The following LDHAL6B variants were observed in gnomAD, a reference collection of about 807,000 sequenced individuals.
LDHAL6B encodes lactate dehydrogenase A like 6B, also known as L-lactate dehydrogenase A-like 6B.
For synonymous variants in LDHAL6B, 205 were observed against 170.6 expected (o/e 1.20, Z -1.57); for missense variants, 523 against 473.9 (o/e 1.10, Z -0.96).
Position 59,206,859 on chromosome 15 carries a change from T to A in LDHAL6B, c.-82T>A, listed in dbSNP as rs1347612591. 1.4e-6 allele frequency: 2 copies of A among 1,429,148 alleles called. No individual in the cohort carries two copies. The highest frequency in any genetic ancestry group is 2.2e-5 in the Admixed American group (1 of 45,306). The allele number at this position is 1,429,148 out of a possible 1,614,324, so 88.5% of individuals were successfully genotyped here. On this transcript the variant is annotated 5_prime_UTR_variant, in exon 1 of 1. Transcript: ENST00000307144. ...ACCTGCCGTAGAGTGCTGAAGGTCC[T>A]GCCAACGGCTCTCTTGGCGTCTCAA...
Position 59,206,886 on chromosome 15 carries a change from G to T in LDHAL6B, c.-55G>T. ...CCAACGGCTCTCTTGGCGTCTCAACGTTCGGATCAGCAGCTTTTTTCCATT... is the reference window on the plus strand; with the variant it reads ...CCAACGGCTCTCTTGGCGTCTCAACTTTCGGATCAGCAGCTTTTTTCCATT... On this transcript the variant is annotated 5_prime_UTR_variant, in exon 1 of 1. Coordinates refer to ENST00000307144, the MANE Select transcript of LDHAL6B (RefSeq NM_033195.3). The T allele has an allele frequency of 1.3e-6, 2 of 1,548,950 alleles. No homozygotes were observed. The highest frequency in any genetic ancestry group is 1.7e-6 in the Non-Finnish European group (2 of 1,145,212).
In LDHAL6B at chr15:59,207,830, C is replaced by A; in HGVS notation, c.890C>A (p.Thr297Asn). The A allele has an allele frequency of 1.2e-6, 2 of 1,614,198 alleles. No homozygotes were observed. ...GAGATTATTAAAATGAAAGGTTATACTTCTTGGGCCATTGGCCTATCTGTG... is the reference window on the plus strand; with the variant it reads ...GAGATTATTAAAATGAAAGGTTATAATTCTTGGGCCATTGGCCTATCTGTG... ...AYEIIKMKGY[T>N]SWAIGLSVAD... The change falls in exon 1 of 1, where the codon ACT becomes AAT. Residue 297 changes from threonine to asparagine, a missense_variant. Transcript: ENST00000307144.
rs1215926304 is a variant in LDHAL6B at position 59,207,750 on chromosome 15, T to G, written c.810T>G (p.Asp270Glu). The change falls in exon 1 of 1, where the codon GAT becomes GAG. Residue 270 changes from aspartate to glutamate, a missense_variant. By Grantham distance (45) the Asp-to-Glu change is conservative (BLOSUM62 2). Coordinates refer to ENST00000307144, the MANE Select transcript of LDHAL6B (RefSeq NM_033195.3). ...LKDLNSDIGT[D>E]KDPEQWKNVH... ...ATCTGAACTCTGATATAGGAACTGATAAAGATCCTGAGCAATGGAAAAATG... is the reference window on the plus strand; with the variant it reads ...ATCTGAACTCTGATATAGGAACTGAGAAAGATCCTGAGCAATGGAAAAATG... 1 of 1,614,028 alleles carries G rather than the reference T, an allele frequency of 6.2e-7. No individual in the cohort carries two copies. The highest frequency in any genetic ancestry group is 1.3e-5 in the African/African-American group (1 of 74,916).
At position 59,207,046 on chromosome 15, in the gene LDHAL6B, A is replaced by C. The variant is rs754204070; in HGVS notation, c.106A>C (p.Ile36Leu). ...MALCPRQATR[I>L]PLNGTWLFTP... is the part of the protein sequence containing the mutation. ...CCTGTGTCCGCGTCAAGCAACGCGC[A>C]TCCCGCTCAACGGCACCTGGCTCTT... Residue 36 changes from isoleucine to leucine, a missense_variant, in exon 1 of 1, where the codon ATC becomes CTC. Transcript: ENST00000307144. 12 of 1,614,234 alleles carry C rather than the reference A, an allele frequency of 7.4e-6. No individual in the cohort carries two copies. The East Asian group carries it at 2.5e-4, about 33-fold the overall frequency.
Position 59,207,170 on chromosome 15 carries a change from C to A in LDHAL6B, c.230C>A (p.Thr77Asn), listed in dbSNP as rs200393440. 1.5e-5 allele frequency: 24 copies of A among 1,614,114 alleles called. No homozygotes were observed. In the East Asian group the frequency reaches 3.8e-4, roughly 25 times the overall value. The part of the protein sequence containing the change: ...VHHSKVSIIG[T>N]GSVGMACAIS... ...CACAGTAAGGTCTCCATCATAGGAACTGGATCGGTGGGCATGGCCTGCGCT... is the reference window on the plus strand; with the variant it reads ...CACAGTAAGGTCTCCATCATAGGAAATGGATCGGTGGGCATGGCCTGCGCT... The change falls in exon 1 of 1, where the codon ACT (threonine) becomes AAT (asparagine). Residue 77 changes from threonine to asparagine, a missense_variant. Transcript: ENST00000307144.
chr15:59,207,914 T>A lies in LDHAL6B; in HGVS notation c.974T>A (p.Ile325Lys). Residue 325 changes from isoleucine to lysine, a missense_variant, in exon 1 of 1, where the codon ATA (isoleucine) becomes AAA (lysine). Coordinates refer to ENST00000307144, the MANE Select transcript of LDHAL6B (RefSeq NM_033195.3). ...NLRRIHPVSTIIKGLYGIDEE... is the reference protein window; with the variant it reads ...NLRRIHPVSTKIKGLYGIDEE... ...AGGAGAATACATCCAGTTTCCACCA[T>A]AATTAAGGGCCTCTATGGAATAGAT... The A allele has an allele frequency of 6.2e-7, 1 of 1,614,184 alleles. No individual in the cohort carries two copies. Among genetic ancestry groups the A allele is most frequent in the Non-Finnish European group, 8.5e-7 (1 of 1,179,998 alleles).
rs1372336494 is a variant in LDHAL6B, at chr15:59,207,319, G to C, written c.379G>C (p.Val127Leu). 1 of 1,614,094 alleles carries C rather than the reference G, an allele frequency of 6.2e-7. No individual in the cohort carries two copies. The highest frequency in any genetic ancestry group is 8.5e-7 in the Non-Finnish European group (1 of 1,179,970). ...GSPFTKMPNI[V>L]CSKDYFVTAN... ...CCCTTTCACGAAAATGCCAAATATT[G>C]TTTGTAGCAAAGATTACTTTGTCAC... The change falls in exon 1 of 1, where the codon GTT (valine) becomes CTT (leucine). Residue 127 changes from valine (V) to leucine (L), a missense_variant. By Grantham distance (32) the Val-to-Leu change is conservative (BLOSUM62 1). Coordinates refer to ENST00000307144, the MANE Select transcript of LDHAL6B (RefSeq NM_033195.3).
rs143314524 is a variant in LDHAL6B at position 59,207,192 on chromosome 15, C to T, written c.252C>T (p.Cys84=). 49 of 1,614,072 alleles carry T rather than the reference C, an allele frequency of 3.0e-5. No individual in the cohort carries two copies. The highest frequency in any genetic ancestry group is 5.5e-5 in the South Asian group (5 of 91,092). ...GAACTGGATCGGTGGGCATGGCCTGCGCTATCAGCATCTTATTAAAAGGCT... is the reference window on the plus strand; with the variant it reads ...GAACTGGATCGGTGGGCATGGCCTGTGCTATCAGCATCTTATTAAAAGGCT... ...IIGTGSVGMA[C]AISILLKGLS... is the part of the protein sequence containing the mutation. Residue 84 remains cysteine, a synonymous_variant, in exon 1 of 1, where the codon TGC becomes TGT. Coordinates refer to ENST00000307144, the MANE Select transcript of LDHAL6B (RefSeq NM_033195.3).
Position 59,208,561 on chromosome 15 carries a change from A to G in LDHAL6B, c.*475A>G, listed in dbSNP as rs1221094892. ...TTTGTTTTGCTTCCTTTGATAGTTA[A>G]TAAATTCCGTTTGTTGAATCAATAA... On this transcript the variant is annotated 3_prime_UTR_variant, in exon 1 of 1. Transcript: ENST00000307144. 15 of 1,266,036 alleles carry G rather than the reference A, an allele frequency of 1.2e-5. 1 individual carries two copies. The highest frequency in any genetic ancestry group is 2.4e-5 in the South Asian group (2 of 82,350). 78.4% of individuals were successfully genotyped at this position (1,266,036 alleles called of 1,614,324 possible). A position where few individuals can be genotyped will look rare whatever the true frequency, so the allele number is the denominator to read the frequency against.
chr15:59,207,604 T>C lies in LDHAL6B; in HGVS notation c.664T>C (p.Leu222=). The change falls in exon 1 of 1, where the codon TTG becomes CTG. Residue 222 remains leucine, a synonymous_variant. Coordinates refer to ENST00000307144, the MANE Select transcript of LDHAL6B (RefSeq NM_033195.3). The stretch of plus-strand genomic sequence containing the variant: ...TCTGGATACTGCTCGTTTTCGTTTC[T>C]TGATTGGACAAAAGCTTGGTATCCA... The part of the protein sequence containing the change: ...CNLDTARFRF[L]IGQKLGIHSE... The C allele has an allele frequency of 3.1e-6, 5 of 1,614,182 alleles. No homozygotes were observed. Among genetic ancestry groups the C allele is most frequent in the Non-Finnish European group, 4.2e-6 (5 of 1,180,012 alleles).
chr15:59,208,534 CTTTTG>C lies in LDHAL6B; in HGVS notation c.*454_*458del. On this transcript the variant is annotated 3_prime_UTR_variant, in exon 1 of 1. Coordinates refer to ENST00000307144, the MANE Select transcript of LDHAL6B (RefSeq NM_033195.3). ...AAAAAAATGCAGTAGTATATACAAT[CTTTTG>C]TTTTGCTTCCTTTGATAGTTAATAA... 1.0e-6 allele frequency: 1 copy of C among 998,168 alleles called. No individual in the cohort carries two copies. Among genetic ancestry groups the C allele is most frequent in the South Asian group, 1.4e-5 (1 of 71,440 alleles). 61.8% of individuals were successfully genotyped at this position (998,168 alleles called of 1,614,324 possible). A position where few individuals can be genotyped will look rare whatever the true frequency, so the allele number is the denominator to read the frequency against.
chr15:59,207,057 C>G lies in LDHAL6B; in HGVS notation c.117C>G (p.Asn39Lys). The change falls in exon 1 of 1, where the codon AAC (asparagine) becomes AAG (lysine). Residue 39 changes from asparagine (N) to lysine (K), a missense_variant. By Grantham distance (94) the Asn-to-Lys change is moderately conservative. Coordinates refer to ENST00000307144, the MANE Select transcript of LDHAL6B (RefSeq NM_033195.3). ...CPRQATRIPL[N>K]GTWLFTPVSK... The stretch of plus-strand genomic sequence containing the variant: ...GTCAAGCAACGCGCATCCCGCTCAA[C>G]GGCACCTGGCTCTTCACCCCCGTGA... 1 of 1,614,206 alleles carries G rather than the reference C, an allele frequency of 6.2e-7. No homozygotes were observed. Among genetic ancestry groups the G allele is most frequent in the East Asian group, 2.2e-5 (1 of 44,886 alleles).
chr15:59,208,137 G>A lies in LDHAL6B; in HGVS notation c.*51G>A. 1 of 1,469,648 alleles carries A rather than the reference G, an allele frequency of 6.8e-7. No individual in the cohort carries two copies. The allele number at this position is 1,469,648 out of a possible 1,614,324, so 91.0% of individuals were successfully genotyped here. ...ATTATTGAAGAGATCATAGATACAGGATTATATAACGAAATTTTGAATAAA... is the reference window on the plus strand; with the variant it reads ...ATTATTGAAGAGATCATAGATACAGAATTATATAACGAAATTTTGAATAAA... On this transcript the variant is annotated 3_prime_UTR_variant, in exon 1 of 1. Transcript: ENST00000307144.
Position 59,207,470 on chromosome 15 carries a change from G to A in LDHAL6B, c.530G>A (p.Ser177Asn), listed in dbSNP as rs758767160. 5 of 1,613,886 alleles carry A rather than the reference G, an allele frequency of 3.1e-6. No individual in the cohort carries two copies. The African/African-American group carries it at 5.3e-5, about 17-fold the overall frequency. Residue 177 changes from serine (S) to asparagine (N), a missense_variant, in exon 1 of 1, where the codon AGC becomes AAC. Ser to Asn is a conservative substitution (Grantham distance 46, BLOSUM62 1). Transcript: ENST00000307144. ...KLMISSIVQY[S>N]PHCKLIIVSN... ...ATGATTTCCAGTATTGTCCAGTACA[G>A]CCCCCACTGCAAACTGATTATTGTT...
chr15:59,207,030 G>C lies in LDHAL6B; in HGVS notation c.90G>C (p.Pro30=), dbSNP rs768447612. Residue 30 remains proline (P), a synonymous_variant, in exon 1 of 1, where the codon CCG becomes CCC. Transcript: ENST00000307144. ...TATGCCTGGGGATGGCCCTGTGTCC[G>C]CGTCAAGCAACGCGCATCCCGCTCA... ...NFLCLGMALC[P]RQATRIPLNG... 1 of 1,614,238 alleles carries C rather than the reference G, an allele frequency of 6.2e-7. No homozygotes were observed. The highest frequency in any genetic ancestry group is 1.1e-5 in the South Asian group (1 of 91,090).
chr15:59,207,714 C>A lies in LDHAL6B; in HGVS notation c.774C>A (p.Val258=). 6.2e-7 allele frequency: 1 copy of A among 1,614,110 alleles called. No homozygotes were observed. Among genetic ancestry groups the A allele is most frequent in the Non-Finnish European group, 8.5e-7 (1 of 1,180,018 alleles). ...PVWSGVNIAG[V]PLKDLNSDIG... ...GGAGTGGAGTGAACATAGCTGGTGT[C>A]CCTTTGAAGGATCTGAACTCTGATA... The change falls in exon 1 of 1, where the codon GTC becomes GTA. Residue 258 remains valine, a synonymous_variant. Transcript: ENST00000307144.
At position 59,207,747 on chromosome 15, in the gene LDHAL6B, T is replaced by G. The variant is rs61754904; in HGVS notation, c.807T>G (p.Thr269=). The change falls in exon 1 of 1, where the codon ACT becomes ACG. Residue 269 remains threonine (T), a synonymous_variant. Coordinates refer to ENST00000307144, the MANE Select transcript of LDHAL6B (RefSeq NM_033195.3). ...AGGATCTGAACTCTGATATAGGAAC[T>G]GATAAAGATCCTGAGCAATGGAAAA... The part of the protein sequence containing the change: ...PLKDLNSDIG[T]DKDPEQWKNV... 6,022 of 1,614,152 alleles carry G rather than the reference T, an allele frequency of 3.7e-3. 15 individuals are homozygous for G. Among genetic ancestry groups the G allele is most frequent in the Non-Finnish European group, 4.8e-3 (5,656 of 1,180,006 alleles).
chr15:59,206,964 G>A lies in LDHAL6B; in HGVS notation c.24G>A (p.Val8=), dbSNP rs1596364910. The change falls in exon 1 of 1, where the codon GTG becomes GTA. Residue 8 remains valine, a synonymous_variant. Transcript: ENST00000307144. ...CCATGAGTTGGACTGTGCCTGTTGT[G>A]CGGGCCAGCCAGAGAGTGAGCTCGG... MSWTVPV[V]RASQRVSSVG... 1.9e-6 allele frequency: 3 copies of A among 1,613,798 alleles called. No homozygotes were observed. The highest frequency in any genetic ancestry group is 1.3e-5 in the African/African-American group (1 of 74,926).
Position 59,207,740 on chromosome 15 carries a change from T to C in LDHAL6B, c.800T>C (p.Ile267Thr), listed in dbSNP as rs758315600. ...GVPLKDLNSD[I>T]GTDKDPEQWK... ...CCTTTGAAGGATCTGAACTCTGATA[T>C]AGGAACTGATAAAGATCCTGAGCAA... Residue 267 changes from isoleucine to threonine, a missense_variant, in exon 1 of 1, where the codon ATA (isoleucine) becomes ACA (threonine). Coordinates refer to ENST00000307144, the MANE Select transcript of LDHAL6B (RefSeq NM_033195.3). 12 of 1,614,130 alleles carry C rather than the reference T, an allele frequency of 7.4e-6. No homozygotes were observed. Among genetic ancestry groups the C allele is most frequent in the Non-Finnish European group, 9.3e-6 (11 of 1,180,000 alleles).
Sources: gnomAD v4.1 joint callset for allele counts on GRCh38, gnomAD v4.1.1 for gene constraint, MANE v1.5 for transcripts, NCBI Gene and HGNC (gene_info 2026-07-23, HGNC 2026-07-21) for gene names.